The following FIBCD1 variants were observed in gnomAD, a reference collection of about 807,000 sequenced individuals.
FIBCD1 encodes fibrinogen C domain-containing protein 1.
A neutral mutation model predicts 45.1 loss-of-function variants in FIBCD1; 47 were observed. That is an observed-to-expected ratio of 1.04 (90% CI 0.82 to 1.33). FIBCD1 has a LOEUF of 1.33. Among genes scored for constraint, FIBCD1 ranks in the 40% most tolerant of loss-of-function variants. The pLI, the probability that FIBCD1 is intolerant of heterozygous loss-of-function variation, is 0.00. For synonymous variants in FIBCD1, 313 were observed against 308.1 expected (o/e 1.02, Z -0.17); for missense variants, 653 against 682.2 (o/e 0.96, Z 0.48).
rs566455402 is a variant in FIBCD1 at position 130,926,452 on chromosome 9, C to T, written c.553-2056G>A. On this transcript the variant is annotated intron_variant, in intron 2 of 6. Coordinates refer to ENST00000372338, the MANE Select transcript of FIBCD1 (RefSeq NM_032843.5). This position sits in a 1 kb window ranked among gnomAD's most constrained non-coding sequence, Gnocchi z 4.1. Reference sequence around the variant, plus strand: ...GTAGTGGTGTCAGAGCTGCTGTCCCCGGCACTGCTTAGCTGTGTGAGTGAG... The same window carrying T: ...GTAGTGGTGTCAGAGCTGCTGTCCCTGGCACTGCTTAGCTGTGTGAGTGAG... Among the ~76,000 whole-genome samples, 2 of 152,302 alleles carry T rather than the reference C, an allele frequency of 1.3e-5. No homozygotes were observed. Among genetic ancestry groups the T allele is most frequent in the South Asian group, 2.1e-4 (1 of 4,830 alleles).
intron 4 of FIBCD1, among the ~76,000 whole-genome samples, chr9:130,916,457 C>T (rs918368575): frequency 2.0e-5 from 3 of 152,156 alleles, no homozygotes; most frequent in East Asian, 1.9e-4. Flanking sequence ...AACCCTGCCC[C>T]GACCTCGAGC....
At chr9:130,934,969 G>T (rs1832496909) in intron 1 of FIBCD1, among the ~76,000 whole-genome samples, 2 of 152,262 alleles carry the variant, frequency 1.3e-5, no homozygotes, top group Non-Finnish European at 2.9e-5. Flanking sequence ...GGATCTTCCA[G>T]AACCCATGAT....
chr9:130,937,828 G>C (rs1205139793), intron 1 of FIBCD1, among the ~76,000 whole-genome samples: 2 of 152,076 alleles, frequency 1.3e-5, no homozygotes, highest in African/African-American at 2.4e-5. Context: ...GCACAGCCCT[G>C]GGCACCCTCC....
chr9:130,920,543 C>T (rs1164565170), intron 4 of FIBCD1, among the ~76,000 whole-genome samples: 2 of 152,152 alleles, frequency 1.3e-5, no homozygotes, highest in African/African-American at 4.8e-5. Flanking sequence ...CGAGGGTGTG[C>T]AGGTGCGGTG....
Position 130,938,529 on chromosome 9 carries a change from A to G in FIBCD1, c.72+7T>C. ...CCCAGGCCCCGTGTCCCAGCGCCCG[A>G]GCGTACCTGCGGCTTGTCGCGCGGC... is the stretch of plus-strand genomic sequence containing the variant. On this transcript the variant is annotated splice_region_variant and intron_variant, in intron 1 of 6. Transcript: ENST00000372338. The G allele has an allele frequency of 6.7e-7, 1 of 1,488,564 alleles. No individual in the cohort carries two copies. Among genetic ancestry groups the G allele is most frequent in the Non-Finnish European group, 8.9e-7 (1 of 1,125,122 alleles). 92.2% of individuals were successfully genotyped at this position (1,488,564 alleles called of 1,614,324 possible). A position where few individuals can be genotyped will look rare whatever the true frequency, so the allele number is the denominator to read the frequency against.
rs191806219 is a variant in FIBCD1 at position 130,911,592 on chromosome 9, G to A, written c.946+200C>T. On this transcript the variant is annotated intron_variant, in intron 5 of 6. Transcript: ENST00000372338. ...TGAGCACTGGGAGCCCACCCACGCT[G>A]ACACTTCCGTTGGCAATGTCTGGCC... 2.7e-4 allele frequency among the ~76,000 whole-genome samples: 41 copies of A among 152,350 alleles called. 1 individual carries two copies. In the East Asian group the frequency reaches 7.7e-3, roughly 29 times the overall value.
intron 4 of FIBCD1, among the ~76,000 whole-genome samples, chr9:130,919,253 T>C (rs1832217502): frequency 6.6e-6 from 1 of 152,182 alleles, no homozygotes; most frequent in South Asian, 2.1e-4. Flanking sequence ...GAGGGTGTTG[T>C]CCCCGGTCAC....
At chr9:130,919,915 G>C (rs960239189) in intron 4 of FIBCD1, among the ~76,000 whole-genome samples, 2 of 152,206 alleles carry the variant, frequency 1.3e-5, no homozygotes, top group Admixed American at 1.3e-4. Flanking sequence ...AGTCAGGCCT[G>C]GGGGGCAGCA....
At chr9:130,920,792 G>A (rs1832247951) in intron 4 of FIBCD1, among the ~76,000 whole-genome samples, 2 of 152,190 alleles carry the variant, frequency 1.3e-5, no homozygotes, top group African/African-American at 4.8e-5. Flanking sequence ...TGGAACAGGG[G>A]TCTGTCCTCT....
At position 130,922,730 on chromosome 9, in the gene FIBCD1, C is replaced by T. The variant is rs1463439087; in HGVS notation, c.849+1014G>A. Among the ~76,000 whole-genome samples the T allele has an allele frequency of 6.6e-6, 1 of 152,100 alleles. No individual in the cohort carries two copies. Among genetic ancestry groups the T allele is most frequent in the Non-Finnish European group, 1.5e-5 (1 of 68,014 alleles). On this transcript the variant is annotated intron_variant, in intron 4 of 6. Transcript: ENST00000372338. This position sits in a 1 kb window ranked among gnomAD's most constrained non-coding sequence, Gnocchi z 4.5. ...CTCTCTTCAACACCCCCAGTAGCTC[C>T]CGACTGTGTGTCCCAACCCTGCAGC...
chr9:130,911,645 C>T, intron 5 of FIBCD1, 147 bp downstream of exon 5: 2 of 664,294 alleles, frequency 3.0e-6, no homozygotes, highest in Non-Finnish European at 5.3e-6. Flanking sequence ...CTGTCACCTT[C>T]ATGCATGACA....
chr9:130,905,143 G>C lies in FIBCD1; in HGVS notation c.1126+91C>G. The C allele has an allele frequency of 5.4e-6, 7 of 1,286,050 alleles. No homozygotes were observed. The South Asian group carries it at 6.1e-5, about 11-fold the overall frequency. The allele number at this position is 1,286,050 out of a possible 1,614,324, so 79.7% of individuals were successfully genotyped here. A position where few individuals can be genotyped will look rare whatever the true frequency, so the allele number is the denominator to read the frequency against. ...CTTTCAAAGGGGGAAAAATACATTA[G>C]CCTTGATCATTTTGGAGGGCAGGAC... On this transcript the variant is annotated intron_variant, in intron 6 of 6. Transcript: ENST00000372338.
rs192879793 is a variant in FIBCD1, at chr9:130,934,046, C to G, written c.73-4000G>C. 1.3e-4 allele frequency: 20 copies of G among 152,436 alleles called. No homozygotes were observed. In the East Asian group the frequency reaches 3.7e-3, roughly 28 times the overall value. 9.4% of individuals were successfully genotyped at this position (152,436 alleles called of 1,614,324 possible). A position where few individuals can be genotyped will look rare whatever the true frequency, so the allele number is the denominator to read the frequency against. ...CTGGGAAATGGAAAGCTGAAGGTGG[C>G]GGGGTCCTGTGGGCTCTGGATCCAG... On this transcript the variant is annotated intron_variant, in intron 1 of 6. Coordinates refer to ENST00000372338, the MANE Select transcript of FIBCD1 (RefSeq NM_032843.5).
At chr9:130,924,480 G>A (rs1415585653) in intron 2 of FIBCD1, 84 bp from the exon 3 acceptor site, 2 of 1,336,998 alleles carry the variant, frequency 1.5e-6, no homozygotes, top group African/African-American at 1.4e-5. Context: ...TGGCCAGAGT[G>A]GGCCCTCTCC....
Position 130,923,724 on chromosome 9 carries a change from G to T in FIBCD1, c.849+20C>A. On this transcript the variant is annotated intron_variant, in intron 4 of 6. Transcript: ENST00000372338. ...GTCCCCGGTGCCTGCCCTGCCGCCCGCCCAGCCTGGGACACTCACCGTCCA... is the reference window on the plus strand; with the variant it reads ...GTCCCCGGTGCCTGCCCTGCCGCCCTCCCAGCCTGGGACACTCACCGTCCA... 6.2e-7 allele frequency: 1 copy of T among 1,609,916 alleles called. No individual in the cohort carries two copies. Among genetic ancestry groups the T allele is most frequent in the Non-Finnish European group, 8.5e-7 (1 of 1,179,302 alleles).
chr9:130,930,073 CACAGACAGACAG>C lies in FIBCD1; in HGVS notation c.73-39_73-28del, dbSNP rs769181506. 2.7e-6 allele frequency: 4 copies of C among 1,487,842 alleles called. No homozygotes were observed. The African/African-American group carries it at 5.6e-5, about 21-fold the overall frequency. 92.2% of individuals were successfully genotyped at this position (1,487,842 alleles called of 1,614,324 possible). The stretch of plus-strand genomic sequence containing the variant: ...TGCAGGCCCGCCCGGGACGCACAGA[CACAGACAGACAG>C]ACGGGAGAGAGAAGGGGCCAGCATT... On this transcript the variant is annotated intron_variant, in intron 1 of 6. Transcript: ENST00000372338.
At chr9:130,934,370 C>A (rs1832487137) in intron 1 of FIBCD1, among the ~76,000 whole-genome samples, 1 of 152,308 alleles carries the variant, frequency 6.6e-6, no homozygotes, top group South Asian at 2.1e-4. Context: ...TCTGTGAGAT[C>A]TGAGCGGGAA....
chr9:130,938,628 GGCGCCGGGCGAGGC>G lies in FIBCD1; in HGVS notation c.-35_-22del. The G allele has an allele frequency of 7.1e-7, 1 of 1,415,652 alleles. No homozygotes were observed. Among genetic ancestry groups the G allele is most frequent in the Non-Finnish European group, 9.2e-7 (1 of 1,081,812 alleles). The allele number at this position is 1,415,652 out of a possible 1,614,324, so 87.7% of individuals were successfully genotyped here. On this transcript the variant is annotated 5_prime_UTR_variant, in exon 1 of 7. Coordinates refer to ENST00000372338, the MANE Select transcript of FIBCD1 (RefSeq NM_032843.5). ...ACCATCTTCCGGCAGGACTGGCGGG[GGCGCCGGGCGAGGC>G]GCGCCGCTGCGGAGCGCAAAGGAGA...
In FIBCD1 at chr9:130,904,018, G is replaced by A. The variant is rs372750537; in HGVS notation, c.*46C>T. The A allele has an allele frequency of 4.4e-6, 7 of 1,598,748 alleles. No homozygotes were observed. The African/African-American group carries it at 8.0e-5, about 18-fold the overall frequency. On this transcript the variant is annotated 3_prime_UTR_variant, in exon 7 of 7. Transcript: ENST00000372338. Reference sequence around the variant, plus strand: ...CACGAAAGAGTGAGGTGGGGTCGGGGATGGGGCGACAGGGACCAGCAGGGC... The same window carrying A: ...CACGAAAGAGTGAGGTGGGGTCGGGAATGGGGCGACAGGGACCAGCAGGGC...
Sources: allele counts gnomAD v4.1 joint callset (sites outside exome capture counted in the v4.1 genomes callset), GRCh38; gene constraint gnomAD v4.1.1; non-coding constraint Gnocchi (gnomAD v3.1); transcripts MANE v1.5; gene names NCBI Gene and HGNC (gene_info 2026-07-23, HGNC 2026-07-21).